The following THRB variants were observed in gnomAD, a reference collection of about 807,000 sequenced individuals.
THRB encodes nuclear receptor subfamily 1 group A member 2.
A neutral mutation model predicts 47.8 loss-of-function variants in THRB; 12 were observed. That is an observed-to-expected ratio of 0.25 (90% CI 0.16 to 0.41). The LOEUF (loss-of-function observed/expected upper bound fraction) is 0.41. THRB is among the 10% of genes least tolerant of loss of function. The pLI, the probability that THRB is intolerant of heterozygous loss-of-function variation, is 1.00. For synonymous variants in THRB, 218 were observed against 212.2 expected (o/e 1.03, Z -0.24); for missense variants, 348 against 589.2 (o/e 0.59, Z 4.24).
chr3:24,250,214 C>T (rs1208853715), intron 3 of THRB, among the ~76,000 whole-genome samples: 1 of 152,188 alleles, frequency 6.6e-6, no homozygotes, highest in Non-Finnish European at 1.5e-5. Context: ...TCTTGCCTAA[C>T]CCTCAGGTAT....
chr3:24,208,644 A>T (rs1394352809), intron 4 of THRB, among the ~76,000 whole-genome samples: 2 of 152,254 alleles, frequency 1.3e-5, no homozygotes, highest in South Asian at 2.1e-4. Flanking sequence ...CTGGGTAGCC[A>T]TATGTAGAAA....
At chr3:24,399,848 C>G (rs555869213) in intron 1 of THRB, among the ~76,000 whole-genome samples, 1 of 152,222 alleles carries the variant, frequency 6.6e-6, no homozygotes, top group Admixed American at 6.5e-5. Flanking sequence ...ATACCACATT[C>G]TTGGTCTCCA....
At chr3:24,297,842 A>C (rs899172309) in intron 2 of THRB, among the ~76,000 whole-genome samples, 1 of 152,206 alleles carries the variant, frequency 6.6e-6, no homozygotes, top group Non-Finnish European at 1.5e-5. Flanking sequence ...CCCATAATGC[A>C]TTTTAAATGC....
chr3:24,487,338 A>G (rs1697454414), intron 1 of THRB, among the ~76,000 whole-genome samples: 1 of 148,736 alleles, frequency 6.7e-6, no homozygotes, highest in African/African-American at 2.6e-5. Context: ...GGTTTTAGAC[A>G]CACAAGCACA....
chr3:24,266,814 A>G (rs1401108325), intron 3 of THRB, among the ~76,000 whole-genome samples: 2 of 152,180 alleles, frequency 1.3e-5, no homozygotes, highest in Non-Finnish European at 2.9e-5. Context: ...AAATCTGGAC[A>G]GACCTTCCAT....
intron 1 of THRB, among the ~76,000 whole-genome samples, chr3:24,381,618 C>A (rs569766357): frequency 6.6e-6 from 1 of 152,168 alleles, no homozygotes. Flanking sequence ...AGAGTTTCCA[C>A]TGGTAAGACT....
At chr3:24,191,448 AT>A (rs999878067) in intron 4 of THRB, among the ~76,000 whole-genome samples, 2 of 151,956 alleles carry the variant, frequency 1.3e-5, no homozygotes, top group Non-Finnish European at 2.9e-5. Flanking sequence ...TTATATGTGA[AT>A]TTTTTTTAAC....
At chr3:24,301,719 C>T (rs958774047) in intron 2 of THRB, among the ~76,000 whole-genome samples, 2 of 152,182 alleles carry the variant, frequency 1.3e-5, no homozygotes, top group African/African-American at 4.8e-5. Context: ...ACTTTATTGC[C>T]GAATCCTGTA....
At chr3:24,304,884 T>C (rs530479996) in intron 2 of THRB, among the ~76,000 whole-genome samples, 4 of 152,124 alleles carry the variant, frequency 2.6e-5, no homozygotes, top group Non-Finnish European at 5.9e-5. Flanking sequence ...CCCATTGTAA[T>C]AGATGTGAAA....
At chr3:24,429,402 A>G (rs1237373174) in intron 1 of THRB, among the ~76,000 whole-genome samples, 2 of 152,048 alleles carry the variant, frequency 1.3e-5, no homozygotes, top group Non-Finnish European at 2.9e-5. Context: ...ACAAAGTCTT[A>G]CAAGATATCC....
At chr3:24,427,253 C>G (rs1393198301) in intron 1 of THRB, among the ~76,000 whole-genome samples, 1 of 151,920 alleles carries the variant, frequency 6.6e-6, no homozygotes, top group African/African-American at 2.4e-5. Context: ...CCTTCCCAAC[C>G]ATAGATGTAT....
chr3:24,481,229 GTTTTTTT>G (rs746323691), intron 1 of THRB, among the ~76,000 whole-genome samples: 1,244 of 55,352 alleles, frequency 0.022, 12 homozygotes, highest in Middle Eastern at 0.089. Context: ...GTTTCTTTCT[GTTTTTTT>G]TTTTTTTTTT....
chr3:24,233,507 AAAG>A (rs1263121671), intron 3 of THRB, among the ~76,000 whole-genome samples: 1 of 147,176 alleles, frequency 6.8e-6, no homozygotes, highest in African/African-American at 2.5e-5. Flanking sequence ...AGGAAGAAAG[AAAG>A]AAGGAGGGAA....
At chr3:24,446,368 C>T (rs2072071139) in intron 1 of THRB, among the ~76,000 whole-genome samples, 1 of 152,148 alleles carries the variant, frequency 6.6e-6, no homozygotes, top group African/African-American at 2.4e-5. Flanking sequence ...CCTCTTCCTG[C>T]TCACCTCTGC....
At chr3:24,168,171 C>T (rs966371170) in intron 5 of THRB, among the ~76,000 whole-genome samples, 2 of 152,148 alleles carry the variant, frequency 1.3e-5, no homozygotes, top group Non-Finnish European at 2.9e-5. Context: ...ACAAAACTTT[C>T]ATTACTATTA....
intron 2 of THRB, among the ~76,000 whole-genome samples, chr3:24,303,910 T>G (rs1038798976): frequency 1.3e-5 from 2 of 152,238 alleles, no homozygotes; most frequent in Admixed American, 1.3e-4. Context: ...TTTCCTAATT[T>G]TTAACGATGT....
intron 1 of THRB, among the ~76,000 whole-genome samples, chr3:24,427,906 T>C (rs1358401271): frequency 6.6e-6 from 1 of 152,038 alleles, no homozygotes; most frequent in African/African-American, 2.4e-5. Flanking sequence ...AGAAGAGACT[T>C]AGATTTGAAA....
chr3:24,330,343 G>C (rs2061848039), intron 2 of THRB, among the ~76,000 whole-genome samples: 1 of 152,306 alleles, frequency 6.6e-6, no homozygotes, highest in Non-Finnish European at 1.5e-5. Flanking sequence ...TCATTTCAAG[G>C]GTTCAAATCA....
chr3:24,294,227 C>T (rs73148359), intron 3 of THRB, among the ~76,000 whole-genome samples: 3,135 of 152,234 alleles, frequency 0.021, 106 homozygotes, highest in African/African-American at 0.071. Flanking sequence ...GGAGAGACCA[C>T]GTGAAGAAAG....
Sources: allele counts gnomAD v4.1 joint callset (sites outside exome capture counted in the v4.1 genomes callset), GRCh38; gene constraint gnomAD v4.1.1; transcripts MANE v1.5; gene names NCBI Gene and HGNC (gene_info 2026-07-23, HGNC 2026-07-21).